The following SLC13A5 variants were observed in gnomAD, a reference collection of about 807,000 sequenced individuals.
SLC13A5 encodes the protein solute carrier family 13 member 5.
Under a neutral mutation model 56.5 loss-of-function variants are expected in SLC13A5, and 25 were observed. The ratio of observed to expected loss-of-function variants is 0.44; its 90% confidence interval spans 0.32 to 0.62. SLC13A5 has a LOEUF of 0.62. Ranked by LOEUF, SLC13A5 falls within the 20% of genes least tolerant of loss-of-function variation. The pLI is 0.04. For missense variants in SLC13A5, 649 were observed against 737.8 expected (o/e 0.88, Z 1.39); for synonymous variants, 307 against 301.5 (o/e 1.02, Z -0.19).
At chr17:6,697,268 C>A (rs545885790) in intron 6 of SLC13A5, among the ~76,000 whole-genome samples, 30 of 152,294 alleles carry the variant, frequency 2.0e-4, no homozygotes, top group Non-Finnish European at 3.4e-4. Context: ...CTTCAGGTTT[C>A]CAGCATAAGG....
intron 9 of SLC13A5, 93 bp from the exon 10 acceptor site, chr17:6,691,033 CCT>C: frequency 8.6e-6 from 12 of 1,401,424 alleles, no homozygotes; most frequent in Admixed American, 2.2e-5. Context: ...CCCTCCCGAC[CCT>C]CTCTCTCTAC....
Position 6,701,197 on chromosome 17 carries a change from C to T in SLC13A5, c.717-71G>A, listed in dbSNP as rs1358714364. 46 of 1,591,220 alleles carry T rather than the reference C, an allele frequency of 2.9e-5. No individual in the cohort carries two copies. The highest frequency in any genetic ancestry group is 9.1e-5 in the East Asian group (4 of 43,918). ...GCCAGCCTGGCCCTGTGCGTGGGGACGGAGCAGCAGCTGGGCCCTGAGAGG... is the reference window on the plus strand; with the variant it reads ...GCCAGCCTGGCCCTGTGCGTGGGGATGGAGCAGCAGCTGGGCCCTGAGAGG... On this transcript the variant is annotated intron_variant, in intron 5 of 11. Transcript: ENST00000433363. The surrounding 1 kb of genome is among the most constrained non-coding windows in gnomAD (Gnocchi z 4.1).
rs1973292369 is a variant in SLC13A5, at chr17:6,687,848, G to A, written c.1438-182C>T. The A allele has an allele frequency of 2.9e-6, 2 of 679,456 alleles. No homozygotes were observed. The highest frequency in any genetic ancestry group is 4.5e-6 in the Non-Finnish European group (2 of 443,804). The allele number at this position is 679,456 out of a possible 1,614,324, so 42.1% of individuals were successfully genotyped here. ...CCACCTACGGAACACTGAAGGCTGA[G>A]GTCAGAGGCCACCTGCCCTAGAAGG... On this transcript the variant is annotated intron_variant, in intron 10 of 11. Transcript: ENST00000433363. This position sits in a 1 kb window ranked among gnomAD's most constrained non-coding sequence, Gnocchi z 5.0.
rs1973230782 is a variant in SLC13A5, at chr17:6,685,871, T to TG, written c.*335dup. The TG allele has an allele frequency of 3.2e-6, 1 of 307,718 alleles. No homozygotes were observed. The highest frequency in any genetic ancestry group is 2.1e-5 in the African/African-American group (1 of 47,438). 19.1% of individuals were successfully genotyped at this position (307,718 alleles called of 1,614,324 possible). A position where few individuals can be genotyped will look rare whatever the true frequency, so the allele number is the denominator to read the frequency against. On this transcript the variant is annotated 3_prime_UTR_variant, in exon 12 of 12. Transcript: ENST00000433363. This position sits in a 1 kb window ranked among gnomAD's most constrained non-coding sequence, Gnocchi z 4.2. ...AGCGAGTGAAAACCAGAGCCCTGTG[T>TG]GGGGGATGCTTGAGGCAGAGCGGGT...
At chr17:6,697,071 G>A (rs892402974) in intron 6 of SLC13A5, among the ~76,000 whole-genome samples, 1 of 152,142 alleles carries the variant, frequency 6.6e-6, no homozygotes, top group African/African-American at 2.4e-5. Flanking sequence ...TCCCTGCTGG[G>A]CAAGGCCGTG....
intron 6 of SLC13A5, among the ~76,000 whole-genome samples, chr17:6,699,854 C>A (rs1238476474): frequency 1.3e-5 from 2 of 152,240 alleles, no homozygotes; most frequent in African/African-American, 4.8e-5. Context: ...GATCTGCCCA[C>A]CTCGGCCTCC....
At chr17:6,699,084 T>TAAATAAATAAATAAATA (rs1376978999) in intron 6 of SLC13A5, among the ~76,000 whole-genome samples, 1 of 115,310 alleles carries the variant, frequency 8.7e-6, no homozygotes, top group African/African-American at 3.7e-5. Context: ...AATAAATAAA[T>TAAATAAATAAATAAATA]AAATAAAATA....
In SLC13A5 at chr17:6,692,927, C is replaced by T. The variant is rs952486114; in HGVS notation, c.1275+117G>A. On this transcript the variant is annotated intron_variant, in intron 9 of 11. Coordinates refer to ENST00000433363, the MANE Select transcript of SLC13A5 (RefSeq NM_177550.5). The surrounding 1 kb of genome is among the most constrained non-coding windows in gnomAD (Gnocchi z 5.5). ...AGAGTCCATGTCCTCAAGGAATGTG[C>T]GGTTATACGAAGGATGCAGGCACAG... The T allele has an allele frequency of 4.4e-5, 34 of 775,984 alleles. No homozygotes were observed. Among genetic ancestry groups the T allele is most frequent in the African/African-American group, 4.3e-4 (25 of 58,190 alleles). The allele number at this position is 775,984 out of a possible 1,614,324, so 48.1% of individuals were successfully genotyped here. A position where few individuals can be genotyped will look rare whatever the true frequency, so the allele number is the denominator to read the frequency against.
intron 1 of SLC13A5, among the ~76,000 whole-genome samples, chr17:6,708,591 G>A (rs1973933032): frequency 6.6e-6 from 1 of 152,184 alleles, no homozygotes; most frequent in Non-Finnish European, 1.5e-5. Flanking sequence ...CTTAAATAAA[G>A]ACCAAAACAC....
rs1045300193 is a variant in SLC13A5 at position 6,687,557 on chromosome 17, G to T, written c.1547C>A (p.Thr516Asn). Residue 516 changes from threonine (T) to asparagine (N), a missense_variant, in exon 11 of 12, where the codon ACC becomes AAC. Transcript: ENST00000433363. This position sits in a 1 kb window ranked among gnomAD's most constrained non-coding sequence, Gnocchi z 5.0. The stretch of plus-strand genomic sequence containing the variant: ...GTCAGCAACCTTGAGGTGCCCATAG[G>T]TGAACACGATGGCATTTGGAGGGGT... ...VATPPNAIVF[T>N]YGHLKVADMV... 1 of 1,613,698 alleles carries T rather than the reference G, an allele frequency of 6.2e-7. No homozygotes were observed. Among genetic ancestry groups the T allele is most frequent in the Admixed American group, 1.7e-5 (1 of 59,922 alleles).
intron 7 of SLC13A5, among the ~76,000 whole-genome samples, chr17:6,694,913 C>T (rs1300134664): frequency 1.3e-5 from 2 of 152,314 alleles, no homozygotes; most frequent in African/African-American, 4.8e-5. Flanking sequence ...GTACATGTTT[C>T]TCATCCTTTC....
At chr17:6,686,775 C>A in intron 11 of SLC13A5, 1 of 177,748 alleles carries the variant, frequency 5.6e-6, no homozygotes, top group African/African-American at 2.3e-5. Context: ...GGTCACTAAC[C>A]ATCGCTTCAC....
At chr17:6,712,638 C>T (rs1179272562) in intron 1 of SLC13A5, among the ~76,000 whole-genome samples, 1 of 152,230 alleles carries the variant, frequency 6.6e-6, no homozygotes, top group Non-Finnish European at 1.5e-5. Context: ...TCAGATGTGG[C>T]TCTCCAGGTT....
At chr17:6,707,773 G>A (rs1021818507) in intron 1 of SLC13A5, among the ~76,000 whole-genome samples, 10 of 152,080 alleles carry the variant, frequency 6.6e-5, no homozygotes, top group South Asian at 2.1e-4. Context: ...GGTATATAGC[G>A]TGGTCGAATG....
intron 1 of SLC13A5, among the ~76,000 whole-genome samples, chr17:6,712,115 C>T (rs1274831621): frequency 6.6e-6 from 1 of 152,244 alleles, no homozygotes; most frequent in Non-Finnish European, 1.5e-5. Context: ...AGAGCACAGG[C>T]ACTTGGCTAA....
At chr17:6,699,044 A>AAAAT (rs201152183) in intron 6 of SLC13A5, among the ~76,000 whole-genome samples, 26,280 of 137,786 alleles carry the variant, frequency 0.19, 2,805 homozygotes, top group African/African-American at 0.26. Flanking sequence ...CACTGTCTCA[A>AAAAT]AAATAAATAA....
chr17:6,690,838 TG>T lies in SLC13A5; in HGVS notation c.1377del (p.Phe459LeufsTer38). 1 of 1,614,198 alleles carries T rather than the reference TG, an allele frequency of 6.2e-7. No homozygotes were observed. The highest frequency in any genetic ancestry group is 8.5e-7 in the Non-Finnish European group (1 of 1,180,026). ...TLILSLLVAV[F>X]TECTSNVATT... is the part of the protein sequence containing the mutation. Reference sequence around the variant, plus strand: ...GTGGCCACGTTGCTTGTGCACTCAGTGAACACGGCAACGAGCAAGGACAAGA... The same window carrying T: ...GTGGCCACGTTGCTTGTGCACTCAGTAACACGGCAACGAGCAAGGACAAGA... On this transcript the variant is annotated frameshift_variant, in exon 10 of 12. Coordinates refer to ENST00000433363, the MANE Select transcript of SLC13A5 (RefSeq NM_177550.5). LOFTEE classifies it high-confidence loss of function.
chr17:6,691,815 C>T (rs1006045344), intron 9 of SLC13A5, among the ~76,000 whole-genome samples: 1 of 152,146 alleles, frequency 6.6e-6, no homozygotes, highest in Non-Finnish European at 1.5e-5. Context: ...CCAACTCACC[C>T]CCTGGCCTCA....
In SLC13A5 at chr17:6,711,274, G is replaced by C. The variant is rs1450473682; in HGVS notation, c.102+1958C>G. On this transcript the variant is annotated intron_variant, in intron 1 of 11. Coordinates refer to ENST00000433363, the MANE Select transcript of SLC13A5 (RefSeq NM_177550.5). The surrounding 1 kb of genome is among the most constrained non-coding windows in gnomAD (Gnocchi z 4.0). The stretch of plus-strand genomic sequence containing the variant: ...AGGGTGACCAAAACAGGCAGAAAGG[G>C]AAAAAACAAGAAGACAAGGTCCAGG... Among the ~76,000 whole-genome samples, 1 of 152,064 alleles carries C rather than the reference G, an allele frequency of 6.6e-6. No homozygotes were observed. The highest frequency in any genetic ancestry group is 1.5e-5 in the Non-Finnish European group (1 of 67,998).
Sources: gnomAD v4.1 joint callset for allele counts (sites outside exome capture counted in the v4.1 genomes callset) on GRCh38, gnomAD v4.1.1 for gene constraint, Gnocchi (gnomAD v3.1) non-coding constraint, MANE v1.5 for transcripts, NCBI Gene and HGNC (gene_info 2026-07-23, HGNC 2026-07-21) for gene names.